WDFY3: variants seen among roughly 807,000 people sequenced by gnomAD.
WDFY3 encodes the protein WD repeat and FYVE domain containing 3, also known as WD repeat and FYVE domain-containing protein 3.
WDFY3 carries 66 observed loss-of-function variants against 409.6 expected under a neutral mutation model. That is an observed-to-expected ratio of 0.16 (90% CI 0.13 to 0.20). The LOEUF (loss-of-function observed/expected upper bound fraction) is 0.20. Among genes scored for constraint, WDFY3 ranks in the 10% least tolerant of loss-of-function variants. The pLI is 1.00. For missense variants in WDFY3, 3,031 were observed against 4,298.1 expected (o/e 0.71, Z 8.24); for synonymous variants, 1,521 against 1,537.1 (o/e 0.99, Z 0.25).
At chr4:84,702,060 G>A (rs892489930) in intron 56 of WDFY3, among the ~76,000 whole-genome samples, 2 of 152,102 alleles carry the variant, frequency 1.3e-5, no homozygotes, top group South Asian at 2.1e-4. Flanking sequence ...CCAGGCTGGC[G>A]TGCAGTTCAC....
At chr4:84,934,079 G>A (rs1771109575) in intron 1 of WDFY3, among the ~76,000 whole-genome samples, 1 of 151,992 alleles carries the variant, frequency 6.6e-6, no homozygotes, top group African/African-American at 2.4e-5. Flanking sequence ...TCTATTTTCA[G>A]GTTTTTAGGA....
Position 84,876,400 on chromosome 4 carries a change from T to C in WDFY3, c.-31-15778A>G, listed in dbSNP as rs189053526. On this transcript the variant is annotated intron_variant, in intron 3 of 67. Coordinates refer to ENST00000295888, the MANE Select transcript of WDFY3 (RefSeq NM_014991.6). Reference sequence around the variant, plus strand: ...TTAACCTCAAGTCAGATACGTTCTGTGTGTAAGATTCCTTATCTGGAAAAA... The same window carrying C: ...TTAACCTCAAGTCAGATACGTTCTGCGTGTAAGATTCCTTATCTGGAAAAA... Among the ~76,000 whole-genome samples the C allele has an allele frequency of 1.8e-3, 268 of 152,342 alleles. 2 individuals are homozygous for C. The highest frequency in any genetic ancestry group is 0.016 in the Admixed American group (249 of 15,300).
chr4:84,764,300 C>T (rs563355109), intron 32 of WDFY3, among the ~76,000 whole-genome samples: 12 of 152,212 alleles, frequency 7.9e-5, no homozygotes, highest in African/African-American at 1.4e-4. Flanking sequence ...GGCCAATAAA[C>T]GAAACTTCTT....
chr4:84,691,647 G>C lies in WDFY3; in HGVS notation c.9188C>G (p.Thr3063Ser). The C allele has an allele frequency of 6.2e-7, 1 of 1,613,762 alleles. No individual in the cohort carries two copies. The highest frequency in any genetic ancestry group is 8.5e-7 in the Non-Finnish European group (1 of 1,179,842). The change falls in exon 60 of 68, where the codon ACC becomes AGC. Residue 3063 changes from threonine to serine, a missense_variant. By Grantham distance (58) the Thr-to-Ser change is moderately conservative (BLOSUM62 1). Around this residue, in one of 16 missense-constraint regions of WDFY3, gnomAD observed 152 missense variants for 193.5 expected, o/e 0.79. Coordinates refer to ENST00000295888, the MANE Select transcript of WDFY3 (RefSeq NM_014991.6). ...GYADLSCRLG[T>S]YESDKAMTVY... Reference sequence around the variant, plus strand: ...AATGCAAACCTTGTCTGACTCATAGGTTCCCAGTCTGCAACTGAGGTCTGC... The same window carrying C: ...AATGCAAACCTTGTCTGACTCATAGCTTCCCAGTCTGCAACTGAGGTCTGC...
At chr4:84,857,628 T>C (rs542396485) in intron 4 of WDFY3, among the ~76,000 whole-genome samples, 1 of 152,320 alleles carries the variant, frequency 6.6e-6, no homozygotes, top group East Asian at 1.9e-4. Flanking sequence ...GTAACTTCCC[T>C]GAATAGGGCT....
At chr4:84,890,432 G>C (rs1414195110) in intron 3 of WDFY3, among the ~76,000 whole-genome samples, 1 of 152,178 alleles carries the variant, frequency 6.6e-6, no homozygotes, top group Non-Finnish European at 1.5e-5. Flanking sequence ...AAGTGAAGCA[G>C]AGACCACACT....
chr4:84,738,684 A>G (rs2149211066), intron 40 of WDFY3, among the ~76,000 whole-genome samples: 1 of 151,928 alleles, frequency 6.6e-6, no homozygotes, highest in Admixed American at 6.5e-5. Flanking sequence ...ATATTAGCCT[A>G]CTCTAATGTG....
intron 54 of WDFY3, 121 bp from the exon 55 acceptor site, chr4:84,704,565 G>T: frequency 1.5e-6 from 1 of 664,884 alleles, no homozygotes; most frequent in Non-Finnish European, 2.4e-6. Context: ...AATGCAATTA[G>T]TACTGGCATT....
chr4:84,905,132 T>C (rs1420909921), intron 2 of WDFY3, among the ~76,000 whole-genome samples: 2 of 152,184 alleles, frequency 1.3e-5, no homozygotes, highest in Admixed American at 1.3e-4. Context: ...GGTCAGGAGT[T>C]CGAGACCAGC....
At position 84,821,250 on chromosome 4, in the gene WDFY3, A is replaced by T; in HGVS notation, c.1425T>A (p.Ser475=). The T allele has an allele frequency of 6.2e-7, 1 of 1,613,764 alleles. No homozygotes were observed. Among genetic ancestry groups the T allele is most frequent in the South Asian group, 1.1e-5 (1 of 91,082 alleles). Reference sequence around the variant, plus strand: ...TCATTGCAATAATGCTACAGTGATAAGAAGAGCTAGATTTTAAGAGGATAC... The same window carrying T: ...TCATTGCAATAATGCTACAGTGATATGAAGAGCTAGATTTTAAGAGGATAC... The part of the protein sequence containing the change: ...SVSILLKSSS[S]YHCSIIAMKT... Residue 475 remains serine, a synonymous_variant, in exon 11 of 68, where the codon TCT becomes TCA. Transcript: ENST00000295888.
rs1401863507 is a variant in WDFY3, at chr4:84,801,499, T to C, written c.2822+151A>G. 13 of 653,096 alleles carry C rather than the reference T, an allele frequency of 2.0e-5. No homozygotes were observed. In the East Asian group the frequency reaches 3.8e-4, roughly 19 times the overall value. 40.5% of individuals were successfully genotyped at this position (653,096 alleles called of 1,614,324 possible). A position where few individuals can be genotyped will look rare whatever the true frequency, so the allele number is the denominator to read the frequency against. ...ATAACTAGATTTATTTGTTTCTAAG[T>C]GCCATATTTTGAGTATTTTGTCCAT... On this transcript the variant is annotated intron_variant, in intron 17 of 67. Transcript: ENST00000295888.
chr4:84,695,883 CTT>C, intron 58 of WDFY3, 85 bp downstream of exon 58: 1 of 1,266,816 alleles, frequency 7.9e-7, no homozygotes, highest in South Asian at 1.4e-5. Context: ...TTAATCTAAA[CTT>C]AATTATTTTG....
chr4:84,939,069 T>C (rs1440674860), intron 1 of WDFY3, among the ~76,000 whole-genome samples: 6 of 152,184 alleles, frequency 3.9e-5, no homozygotes, highest in African/African-American at 1.4e-4. Context: ...AGATCCAGTC[T>C]AGGGTCAGGT....
intron 28 of WDFY3, 33 bp downstream of exon 28, chr4:84,775,032 T>C: frequency 3.1e-6 from 5 of 1,613,486 alleles, no homozygotes; most frequent in Non-Finnish European, 4.2e-6. Context: ...TTTCTATAGC[T>C]GAATAATTAA....
chr4:84,878,727 C>A (rs1224926732), intron 3 of WDFY3, among the ~76,000 whole-genome samples: 2 of 152,164 alleles, frequency 1.3e-5, no homozygotes. Context: ...TATCATCATA[C>A]ATCACGTGTT....
At chr4:84,688,811 T>G (rs1728766987) in intron 61 of WDFY3, among the ~76,000 whole-genome samples, 1 of 152,192 alleles carries the variant, frequency 6.6e-6, no homozygotes. Flanking sequence ...GTCAACATGC[T>G]GAAGTCCTGC....
intron 3 of WDFY3, among the ~76,000 whole-genome samples, chr4:84,868,759 T>C (rs1410962619): frequency 1.3e-5 from 2 of 152,180 alleles, no homozygotes; most frequent in South Asian, 4.1e-4. Context: ...CCCACCGCTA[T>C]CTTGGGAGCG....
intron 3 of WDFY3, among the ~76,000 whole-genome samples, chr4:84,890,679 AT>A (rs1764832065): frequency 6.6e-6 from 1 of 152,234 alleles, no homozygotes; most frequent in African/African-American, 2.4e-5. Context: ...TAAGGGTCAG[AT>A]AGCAAATATT....
chr4:84,914,796 T>TC (rs1768259567), intron 2 of WDFY3, among the ~76,000 whole-genome samples: 1 of 152,128 alleles, frequency 6.6e-6, no homozygotes, highest in African/African-American at 2.4e-5. Flanking sequence ...CTCAAAAAGT[T>TC]AAACAAAGAG....
Sources: allele counts gnomAD v4.1 joint callset (sites outside exome capture counted in the v4.1 genomes callset), GRCh38; gene constraint gnomAD v4.1.1; regional missense constraint gnomAD v4.1.1; transcripts MANE v1.5; gene names NCBI Gene and HGNC (gene_info 2026-07-23, HGNC 2026-07-21).